The following HPSE2 variants were observed in gnomAD, a reference collection of about 807,000 sequenced individuals.
HPSE2 encodes the protein heparanase 2 (inactive), also known as inactive heparanase-2.
Under a neutral mutation model 60.5 loss-of-function variants are expected in HPSE2, and 38 were observed. The ratio of observed to expected loss-of-function variants is 0.63; its 90% CI spans 0.48 to 0.82. The LOEUF (loss-of-function observed/expected upper bound fraction) is 0.82. Among genes scored for constraint, HPSE2 ranks in the 40% least tolerant of loss-of-function variants. HPSE2 has a pLI of 0.00. For missense variants in HPSE2, 713 were observed against 740.4 expected (o/e 0.96, Z 0.43); for synonymous variants, 295 against 293.2 (o/e 1.01, Z -0.06).
intron 7 of HPSE2, among the ~76,000 whole-genome samples, chr10:98,623,342 G>A (rs1946122883): frequency 6.6e-6 from 1 of 152,032 alleles, no homozygotes; most frequent in Admixed American, 6.6e-5. Flanking sequence ...AAGATGGGAG[G>A]GGGAAAGGAG....
chr10:98,991,892 G>A (rs1956534012), intron 3 of HPSE2, among the ~76,000 whole-genome samples: 1 of 152,140 alleles, frequency 6.6e-6, no homozygotes, highest in Non-Finnish European at 1.5e-5. Context: ...GTCTGAAGCA[G>A]GCTTCTCCCA....
At chr10:99,122,021 C>G (rs1290123700) in intron 3 of HPSE2, among the ~76,000 whole-genome samples, 1 of 152,060 alleles carries the variant, frequency 6.6e-6, no homozygotes, top group African/African-American at 2.4e-5. Context: ...AACAAGATAA[C>G]AGGCACATAC....
At chr10:99,208,938 TTAATGAACATATAATAGTTAAAAATA>T (rs1848859231) in intron 2 of HPSE2, among the ~76,000 whole-genome samples, 1 of 152,176 alleles carries the variant, frequency 6.6e-6, no homozygotes, top group Non-Finnish European at 1.5e-5. Context: ...AAGGGATTAA[TTAATGAACATATAATAGTTAAAAATA>T]TCTGTGCAAC....
At chr10:98,678,918 T>C (rs975006250) in intron 6 of HPSE2, among the ~76,000 whole-genome samples, 1 of 151,824 alleles carries the variant, frequency 6.6e-6, no homozygotes, top group African/African-American at 2.4e-5. Context: ...ACCAAAACAA[T>C]AGTAACAGAA....
intron 3 of HPSE2, among the ~76,000 whole-genome samples, chr10:99,062,790 G>A (rs12249518): frequency 0.016 from 2,385 of 152,262 alleles, 63 homozygotes; most frequent in African/African-American, 0.054. Flanking sequence ...GGTGTCAAAT[G>A]TAAGCCAAAG....
At chr10:99,050,289 G>A (rs1415885411) in intron 3 of HPSE2, among the ~76,000 whole-genome samples, 3 of 151,198 alleles carry the variant, frequency 2.0e-5, no homozygotes, top group Non-Finnish European at 4.4e-5. Flanking sequence ...ACAAAAGAGT[G>A]AGACTCTGTC....
chr10:98,964,786 C>A (rs1955772874), intron 3 of HPSE2, among the ~76,000 whole-genome samples: 1 of 152,156 alleles, frequency 6.6e-6, no homozygotes, highest in Non-Finnish European at 1.5e-5. Context: ...TGCTACAGAA[C>A]ATCTTTAATT....
chr10:98,691,942 T>C (rs1395536258), intron 6 of HPSE2, among the ~76,000 whole-genome samples: 4 of 152,214 alleles, frequency 2.6e-5, no homozygotes, highest in African/African-American at 9.6e-5. Flanking sequence ...AGTAAATGCC[T>C]AATAAACTAT....
chr10:98,820,889 T>C (rs778758478), intron 3 of HPSE2, among the ~76,000 whole-genome samples: 38 of 152,210 alleles, frequency 2.5e-4, no homozygotes, highest in Non-Finnish European at 4.3e-4. Context: ...CGTAGAGAAC[T>C]CTCATCATAC....
At chr10:98,975,572 A>G (rs2135281123) in intron 3 of HPSE2, among the ~76,000 whole-genome samples, 1 of 152,214 alleles carries the variant, frequency 6.6e-6, no homozygotes, top group East Asian at 1.9e-4. Context: ...TGGCTCAATC[A>G]GTGTTCACTC....
chr10:98,691,635 T>C (rs1171897737), intron 6 of HPSE2, among the ~76,000 whole-genome samples: 3 of 152,198 alleles, frequency 2.0e-5, no homozygotes. Flanking sequence ...GATAGCCTTT[T>C]TGGTGAGGAC....
intron 3 of HPSE2, among the ~76,000 whole-genome samples, chr10:98,827,217 G>T (rs1951570484): frequency 6.6e-6 from 1 of 151,940 alleles, no homozygotes; most frequent in African/African-American, 2.4e-5. Context: ...TTGTTTGTTT[G>T]TTTTTTGAGA....
the HPSE2 span, among the ~76,000 whole-genome samples, chr10:99,254,310 T>C: frequency 6.6e-6 from 1 of 152,124 alleles, no homozygotes; most frequent in African/African-American, 2.4e-5. Flanking sequence ...AACCAAATAA[T>C]GCATGTTCTC....
chr10:98,594,230 A>T (rs1313271021), intron 9 of HPSE2, among the ~76,000 whole-genome samples: 1 of 152,140 alleles, frequency 6.6e-6, no homozygotes, highest in Non-Finnish European at 1.5e-5. Flanking sequence ...TTGTACATAG[A>T]TAACTTAAAA....
intron 6 of HPSE2, among the ~76,000 whole-genome samples, chr10:98,679,851 G>A (rs958227829): frequency 2.0e-5 from 3 of 151,620 alleles, no homozygotes; most frequent in Non-Finnish European, 2.9e-5. Context: ...CACCACACCC[G>A]GCTAATTTTT....
chr10:98,630,923 C>A lies in HPSE2; in HGVS notation c.1099-10215G>T, dbSNP rs566985127. On this transcript the variant is annotated intron_variant, in intron 7 of 11. Transcript: ENST00000370552. ...TAATTCAATTTCCTGTTTGAGGAGA[C>A]CCACAACTTCTGGTTGGCTAAACTG... is the stretch of plus-strand genomic sequence containing the variant. 1.2e-4 allele frequency among the ~76,000 whole-genome samples: 18 copies of A among 152,212 alleles called. No homozygotes were observed. The South Asian group carries it at 3.3e-3, about 28-fold the overall frequency.
At chr10:99,191,535 A>G (rs1848222720) in intron 2 of HPSE2, among the ~76,000 whole-genome samples, 1 of 152,224 alleles carries the variant, frequency 6.6e-6, no homozygotes, top group African/African-American at 2.4e-5. Flanking sequence ...CCTCTATGAC[A>G]CTGCATGAGC....
chr10:99,211,510 T>C (rs1236857596), intron 2 of HPSE2, among the ~76,000 whole-genome samples: 4 of 151,946 alleles, frequency 2.6e-5, no homozygotes, highest in Non-Finnish European at 5.9e-5. Flanking sequence ...CATTAAAAAA[T>C]GGCACATATA....
At chr10:99,230,822 AAGAAAAACCATTAATATC>A (rs1849619462) in intron 2 of HPSE2, among the ~76,000 whole-genome samples, 3 of 152,340 alleles carry the variant, frequency 2.0e-5, no homozygotes, top group South Asian at 2.1e-4. Flanking sequence ...GGATTGGAAG[AAGAAAAACCATTAATATC>A]AGAAAAACCA....
Sources: gnomAD v4.1 joint callset for allele counts (sites outside exome capture counted in the v4.1 genomes callset) on GRCh38, gnomAD v4.1.1 for gene constraint, MANE v1.5 for transcripts, NCBI Gene and HGNC (gene_info 2026-07-23, HGNC 2026-07-21) for gene names.